The following DLG2 variants were observed in gnomAD, a reference collection of about 807,000 sequenced individuals.
The protein encoded by DLG2 is disks large homolog 2.
DLG2 carries 45 observed loss-of-function variants against 132.5 expected under a neutral mutation model. The ratio of observed to expected loss-of-function variants is 0.34; its 90% CI spans 0.27 to 0.44. The LOEUF (loss-of-function observed/expected upper bound fraction) is 0.44, where lower values mean the gene tolerates loss of function less well. Ranked by LOEUF, DLG2 falls within the 20% of genes least tolerant of loss-of-function variation. DLG2 has a pLI of 1.00. For missense variants in DLG2, 1,045 were observed against 1,196.9 expected (o/e 0.87, Z 1.87); for synonymous variants, 424 against 419.6 (o/e 1.01, Z -0.13).
chr11:83,774,003 C>G (rs971283006), intron 18 of DLG2, among the ~76,000 whole-genome samples: 9 of 152,100 alleles, frequency 5.9e-5, no homozygotes, highest in Admixed American at 5.9e-4. Context: ...TTCATGTATC[C>G]AAGACCAAAC....
intron 6 of DLG2, among the ~76,000 whole-genome samples, chr11:85,075,402 C>A (rs987634076): frequency 2.0e-5 from 3 of 151,792 alleles, no homozygotes; most frequent in Non-Finnish European, 4.4e-5. Flanking sequence ...TAGAAGCAAT[C>A]TAAATATTTA....
At chr11:84,898,772 C>T (rs1251471017) in intron 6 of DLG2, among the ~76,000 whole-genome samples, 1 of 151,992 alleles carries the variant, frequency 6.6e-6, no homozygotes, top group Non-Finnish European at 1.5e-5. Flanking sequence ...AACTATCTAG[C>T]TATCTTCCAT....
intron 18 of DLG2, among the ~76,000 whole-genome samples, chr11:83,652,522 C>T (rs1012438690): frequency 1.3e-5 from 2 of 152,104 alleles, no homozygotes; most frequent in Non-Finnish European, 2.9e-5. Flanking sequence ...AGGCGTGCAC[C>T]ACCACACCTG....
chr11:84,776,298 C>T (rs2070478262), intron 6 of DLG2, among the ~76,000 whole-genome samples: 1 of 152,020 alleles, frequency 6.6e-6, no homozygotes, highest in African/African-American at 2.4e-5. Context: ...GCCACAGGCA[C>T]ACACGACCAT....
intron 2 of DLG2, among the ~76,000 whole-genome samples, chr11:85,611,338 A>T (rs1474611294): frequency 6.6e-6 from 1 of 152,248 alleles, no homozygotes; most frequent in African/African-American, 2.4e-5. Context: ...ACAACTGCCT[A>T]CTTAGATACC....
intron 6 of DLG2, among the ~76,000 whole-genome samples, chr11:84,610,659 T>C (rs996439490): frequency 1.3e-5 from 2 of 152,100 alleles, no homozygotes; most frequent in African/African-American, 4.8e-5. Context: ...CTGTTGACAG[T>C]GTCCTTGCCC....
intron 15 of DLG2, among the ~76,000 whole-genome samples, chr11:83,890,025 G>A (rs1025243201): frequency 2.0e-5 from 3 of 152,020 alleles, no homozygotes; most frequent in African/African-American, 7.2e-5. Context: ...ACGAGTTAAT[G>A]TGTGCAGCAT....
intron 6 of DLG2, chr11:85,021,180 T>G: frequency 3.0e-6 from 3 of 993,278 alleles, no homozygotes; most frequent in Non-Finnish European, 4.9e-6. Context: ...TGAAGCCAGC[T>G]TTTTCCCTTC....
At chr11:83,483,280 C>T (rs1317392773) in intron 22 of DLG2, 1 of 1,612,986 alleles carries the variant, frequency 6.2e-7, no homozygotes, top group Non-Finnish European at 8.5e-7. Flanking sequence ...TAACCGTCGT[C>T]ACCTAATCCG....
At chr11:84,070,791 G>A (rs1474392381) in intron 10 of DLG2, among the ~76,000 whole-genome samples, 1 of 152,168 alleles carries the variant, frequency 6.6e-6, no homozygotes, top group African/African-American at 2.4e-5. Flanking sequence ...TTTGAGTACA[G>A]TGATCTTAAA....
chr11:84,152,925 T>C (rs545604279), intron 9 of DLG2, among the ~76,000 whole-genome samples: 81 of 152,344 alleles, frequency 5.3e-4, no homozygotes, highest in African/African-American at 1.9e-3. Context: ...CTTGATTATA[T>C]AGTTGCCCTA....
intron 6 of DLG2, among the ~76,000 whole-genome samples, chr11:84,942,900 C>T (rs1382851633): frequency 6.6e-6 from 1 of 152,088 alleles, no homozygotes; most frequent in Non-Finnish European, 1.5e-5. Flanking sequence ...TCTGGGTGCT[C>T]CACTGTTAGG....
chr11:85,211,589 A>T (rs759493351), intron 4 of DLG2, among the ~76,000 whole-genome samples: 12 of 152,086 alleles, frequency 7.9e-5, no homozygotes, highest in Non-Finnish European at 1.3e-4. Flanking sequence ...GATTACACTG[A>T]TTGGCTAGGT....
chr11:85,111,699 C>T lies in DLG2; in HGVS notation c.319G>A (p.Val107Met), dbSNP rs746404915. Residue 107 changes from valine (V) to methionine (M), a missense_variant, in exon 6 of 28, where the codon GTG (valine) becomes ATG (methionine). By Grantham distance (21) the Val-to-Met change is conservative (BLOSUM62 1). Around this residue, in one of 4 missense-constraint regions of DLG2, gnomAD observed 277 missense variants for 238.2 expected, o/e 1.16. Transcript: ENST00000376104. ...QGRCPAQNCS[V>M]EAPAWMPVHH... is the part of the protein sequence containing the mutation. Reference sequence around the variant, plus strand: ...ACAGGCATCCAAGCAGGGGCTTCCACTGAACAATTCTGGGCTGGGCATCTG... The same window carrying T: ...ACAGGCATCCAAGCAGGGGCTTCCATTGAACAATTCTGGGCTGGGCATCTG... 6.4e-7 allele frequency: 1 copy of T among 1,564,008 alleles called. No individual in the cohort carries two copies. The highest frequency in any genetic ancestry group is 8.7e-7 in the Non-Finnish European group (1 of 1,153,474).
At chr11:83,605,825 C>T (rs889751047) in intron 19 of DLG2, among the ~76,000 whole-genome samples, 2 of 152,238 alleles carry the variant, frequency 1.3e-5, no homozygotes, top group African/African-American at 4.8e-5. Context: ...GAACTTCATA[C>T]TTCTTCCATT....
chr11:84,099,087 C>A (rs772888519), intron 9 of DLG2, 40 bp from the exon 10 acceptor site: 1 of 1,590,416 alleles, frequency 6.3e-7, no homozygotes. Flanking sequence ...ATGTGTCTGT[C>A]ACCTAAAACC....
intron 9 of DLG2, among the ~76,000 whole-genome samples, chr11:84,155,750 G>A (rs950430607): frequency 1.3e-5 from 2 of 152,118 alleles, no homozygotes; most frequent in Non-Finnish European, 2.9e-5. Context: ...GTAACTGCAA[G>A]TAGTTCAGAA....
chr11:85,103,271 G>A (rs1396595413), intron 6 of DLG2, among the ~76,000 whole-genome samples: 1 of 151,886 alleles, frequency 6.6e-6, no homozygotes, highest in South Asian at 2.1e-4. Context: ...TAAAATGCAT[G>A]CAAAAATGCA....
intron 7 of DLG2, among the ~76,000 whole-genome samples, chr11:84,329,807 G>C (rs775942072): frequency 3.9e-5 from 6 of 152,118 alleles, no homozygotes; most frequent in Non-Finnish European, 7.3e-5. Flanking sequence ...CTGAAACACT[G>C]TTTTCTATGT....
Sources: gnomAD v4.1 joint callset for allele counts (sites outside exome capture counted in the v4.1 genomes callset) on GRCh38, gnomAD v4.1.1 for gene constraint, gnomAD v4.1.1 regional missense constraint, MANE v1.5 for transcripts, NCBI Gene and HGNC (gene_info 2026-07-23, HGNC 2026-07-21) for gene names.